Variants in BBX observed in about 807,000 individuals in gnomAD.
BBX encodes HMG box transcription factor BBX.
Under a neutral mutation model 100.2 loss-of-function variants are expected in BBX, and 30 were observed. The ratio of observed to expected loss-of-function variants is 0.30; its 90% CI spans 0.22 to 0.41. The LOEUF (loss-of-function observed/expected upper bound fraction) is 0.41, where lower values mean the gene tolerates loss of function less well. Among genes scored for constraint, BBX ranks in the 10% least tolerant of loss-of-function variants. BBX has a pLI of 1.00. For synonymous variants in BBX, 376 were observed against 388.1 expected (o/e 0.97, Z 0.37); for missense variants, 1,023 against 1,129.8 (o/e 0.91, Z 1.35).
chr3:107,697,069 C>G (rs919075662), intron 3 of BBX, among the ~76,000 whole-genome samples: 1 of 151,526 alleles, frequency 6.6e-6, no homozygotes, highest in Non-Finnish European at 1.5e-5. Flanking sequence ...AAGCACTTCT[C>G]TGTATTGGTT....
At position 107,801,289 on chromosome 3, in the gene BBX, G is replaced by A; in HGVS notation, c.2738+8G>A. 2 of 1,611,042 alleles carry A rather than the reference G, an allele frequency of 1.2e-6. No individual in the cohort carries two copies. The highest frequency in any genetic ancestry group is 1.7e-6 in the Non-Finnish European group (2 of 1,178,294). ...CATGGAAAATGTGCACAGGTTAGTG[G>A]TAGAAGGTGGAAGGAGAAAGCAACA... On this transcript the variant is annotated splice_region_variant and intron_variant, in intron 17 of 17. Transcript: ENST00000325805.
intron 2 of BBX, among the ~76,000 whole-genome samples, chr3:107,614,202 G>A (rs566127013): frequency 1.3e-5 from 2 of 151,890 alleles, no homozygotes; most frequent in Non-Finnish European, 2.9e-5. Context: ...CGCCTGCCTC[G>A]GCCTCCCAAA....
At chr3:107,560,075 G>A (rs778041013) in intron 2 of BBX, among the ~76,000 whole-genome samples, 4 of 151,900 alleles carry the variant, frequency 2.6e-5, no homozygotes, top group African/African-American at 7.3e-5. Context: ...TTAACCTCTC[G>A]TTCAGTTTTT....
chr3:107,650,957 G>C (rs766487648), intron 3 of BBX, among the ~76,000 whole-genome samples: 25 of 152,150 alleles, frequency 1.6e-4, no homozygotes, highest in Non-Finnish European at 2.8e-4. Flanking sequence ...CTGCCTTTTT[G>C]CTATGTCCTT....
intron 2 of BBX, among the ~76,000 whole-genome samples, chr3:107,578,170 C>T (rs2051947216): frequency 6.6e-6 from 1 of 152,180 alleles, no homozygotes; most frequent in African/African-American, 2.4e-5. Context: ...CCTGCCATTG[C>T]TCTGTTGTAA....
intron 7 of BBX, among the ~76,000 whole-genome samples, chr3:107,737,904 T>G (rs997302866): frequency 1.2e-4 from 17 of 142,392 alleles, no homozygotes; most frequent in African/African-American, 3.3e-4. Flanking sequence ...TTTTTTTTTT[T>G]TTTTTTTTTT....
chr3:107,685,495 AC>A (rs1161976641), intron 3 of BBX, among the ~76,000 whole-genome samples: 1 of 152,232 alleles, frequency 6.6e-6, no homozygotes, highest in Non-Finnish European at 1.5e-5. Context: ...TGTAGAAGAT[AC>A]GCTATTCCCT....
At chr3:107,631,790 G>A (rs1319109092) in intron 2 of BBX, among the ~76,000 whole-genome samples, 1 of 152,118 alleles carries the variant, frequency 6.6e-6, no homozygotes, top group African/African-American at 2.4e-5. Context: ...TCTGCCTTGT[G>A]TCGTCTAAGA....
chr3:107,568,181 T>C (rs372570387), intron 2 of BBX, among the ~76,000 whole-genome samples: 68 of 152,276 alleles, frequency 4.5e-4, no homozygotes, highest in African/African-American at 1.6e-3. Context: ...TTGTTTTTAA[T>C]TTATCCCAAT....
At chr3:107,751,230 T>C (rs750446387) in intron 9 of BBX, among the ~76,000 whole-genome samples, 1 of 152,202 alleles carries the variant, frequency 6.6e-6, no homozygotes, top group Non-Finnish European at 1.5e-5. Flanking sequence ...CCTGTCTCTT[T>C]TCAGAGGGAT....
At chr3:107,655,812 T>C (rs1234274154) in intron 3 of BBX, among the ~76,000 whole-genome samples, 1 of 152,030 alleles carries the variant, frequency 6.6e-6, no homozygotes, top group Non-Finnish European at 1.5e-5. Context: ...GCCATTCTCC[T>C]GCCTCAGCCT....
chr3:107,719,923 A>T (rs1011331779), intron 5 of BBX, among the ~76,000 whole-genome samples: 1 of 152,034 alleles, frequency 6.6e-6, no homozygotes, highest in African/African-American at 2.4e-5. Context: ...AATTGAGAGG[A>T]TCACACATCT....
Position 107,773,161 on chromosome 3 carries a change from A to G in BBX, c.1440A>G (p.Glu480=), listed in dbSNP as rs1024360441. The change falls in exon 11 of 18, where the codon GAA becomes GAG. Residue 480 remains glutamate (E), a synonymous_variant. Coordinates refer to ENST00000325805, the MANE Select transcript of BBX (RefSeq NM_001142568.3). This position sits in a 1 kb window ranked among gnomAD's most constrained non-coding sequence, Gnocchi z 4.1. ...KKTCKKRQSS[E]SDIESVIYTI... is the part of the protein sequence containing the mutation. ...CTTGCAAAAAGAGGCAGTCTTCGGA[A>G]TCTGACATTGAGAGCGTCATATATA... 1 of 1,614,160 alleles carries G rather than the reference A, an allele frequency of 6.2e-7. No individual in the cohort carries two copies.
At chr3:107,736,901 C>T (rs551089877) in intron 7 of BBX, among the ~76,000 whole-genome samples, 231 of 152,110 alleles carry the variant, frequency 1.5e-3, no homozygotes, top group African/African-American at 5.3e-3. Context: ...TGAAAAGCTT[C>T]GAAGGTATCA....
intron 2 of BBX, among the ~76,000 whole-genome samples, chr3:107,554,138 A>T (rs1197851818): frequency 6.6e-6 from 1 of 152,192 alleles, no homozygotes. Context: ...TGGGATCTAA[A>T]CCCAGGAGTG....
intron 2 of BBX, among the ~76,000 whole-genome samples, chr3:107,585,935 A>G (rs1252557681): frequency 1.3e-5 from 2 of 152,202 alleles, no homozygotes; most frequent in Non-Finnish European, 2.9e-5. Flanking sequence ...TCACTTGGCT[A>G]TTACTCTTGG....
At chr3:107,757,550 A>C (rs2065579764) in intron 10 of BBX, among the ~76,000 whole-genome samples, 1 of 152,192 alleles carries the variant, frequency 6.6e-6, no homozygotes, top group South Asian at 2.1e-4. Flanking sequence ...ATCCCTAAAA[A>C]AGAAAACTTT....
intron 3 of BBX, among the ~76,000 whole-genome samples, chr3:107,652,176 A>T (rs1434299370): frequency 1.9e-5 from 2 of 104,028 alleles, no homozygotes; most frequent in Non-Finnish European, 3.9e-5. Context: ...GGATATTGAT[A>T]TAGGCTCAAA....
chr3:107,638,530 A>G (rs2056984613), intron 2 of BBX: 2 of 152,132 alleles, frequency 1.3e-5, no homozygotes, highest in Admixed American at 6.5e-5. Flanking sequence ...TATACCTGGA[A>G]CAATTCTTTC....
Sources: allele counts gnomAD v4.1 joint callset (sites outside exome capture counted in the v4.1 genomes callset), GRCh38; gene constraint gnomAD v4.1.1; non-coding constraint Gnocchi (gnomAD v3.1); transcripts MANE v1.5; gene names NCBI Gene and HGNC (gene_info 2026-07-23, HGNC 2026-07-21).